LOC128092253: variants seen among roughly 807,000 people sequenced by gnomAD.
the LOC128092253 span, among the ~76,000 whole-genome samples, chr6:133,973,428 C>CT: frequency 1.3e-5 from 2 of 152,126 alleles, no homozygotes; most frequent in African/African-American, 4.8e-5. Flanking sequence ...TATTTATTCT[C>CT]TTGGCTTTCA....
chr6:133,955,484 A>T, the LOC128092253 span, among the ~76,000 whole-genome samples: 1 of 151,520 alleles, frequency 6.6e-6, no homozygotes, highest in East Asian at 1.9e-4. Context: ...CATTAATGTG[A>T]TTTTATCTGT....
chr6:133,970,671 C>T, the LOC128092253 span, among the ~76,000 whole-genome samples: 1 of 151,450 alleles, frequency 6.6e-6, no homozygotes, highest in African/African-American at 2.4e-5. Flanking sequence ...TGCCGTGGTG[C>T]CATGATAGCT....
the LOC128092253 span, among the ~76,000 whole-genome samples, chr6:133,968,378 T>A: frequency 1.3e-5 from 2 of 152,242 alleles, no homozygotes; most frequent in South Asian, 4.1e-4. Flanking sequence ...AGGAATCATA[T>A]GCCAAATTTC....
At chr6:133,973,638 A>G in the LOC128092253 span, among the ~76,000 whole-genome samples, 4 of 152,236 alleles carry the variant, frequency 2.6e-5, no homozygotes, top group African/African-American at 4.8e-5. Context: ...TTTGAATACC[A>G]CTAGAAAGAG....
At chr6:133,957,725 A>G in the LOC128092253 span, among the ~76,000 whole-genome samples, 1 of 152,226 alleles carries the variant, frequency 6.6e-6, no homozygotes, top group Non-Finnish European at 1.5e-5. Flanking sequence ...TAAATATTAA[A>G]TAGCTTTCTC....
the LOC128092253 span, among the ~76,000 whole-genome samples, chr6:133,955,034 T>C: frequency 1.3e-5 from 2 of 152,136 alleles, no homozygotes; most frequent in South Asian, 4.1e-4. Flanking sequence ...AAGTTGCATT[T>C]TAAGACATTA....
chr6:133,970,989 T>C, the LOC128092253 span, among the ~76,000 whole-genome samples: 1 of 152,180 alleles, frequency 6.6e-6, no homozygotes, highest in African/African-American at 2.4e-5. Context: ...TGATATACTT[T>C]ACTGTTCACC....
the LOC128092253 span, among the ~76,000 whole-genome samples, chr6:133,978,417 A>C: frequency 2.0e-5 from 3 of 152,218 alleles, no homozygotes; most frequent in Non-Finnish European, 4.4e-5. Flanking sequence ...TAACTTGCCC[A>C]AGTTCTGATA....
At chr6:133,953,601 G>A in the LOC128092253 span, among the ~76,000 whole-genome samples, 135 of 152,212 alleles carry the variant, frequency 8.9e-4, 1 homozygote, top group Non-Finnish European at 1.4e-3. Context: ...AAACCGGTCC[G>A]GTGGCCGAGG....
chr6:133,957,453 C>T, the LOC128092253 span, among the ~76,000 whole-genome samples: 1 of 152,198 alleles, frequency 6.6e-6, no homozygotes, highest in African/African-American at 2.4e-5. Flanking sequence ...TTTTTTAACT[C>T]ACTAGGTGAG....
the LOC128092253 span, among the ~76,000 whole-genome samples, chr6:133,954,241 A>G: frequency 6.6e-6 from 1 of 152,214 alleles, no homozygotes; most frequent in Admixed American, 6.5e-5. Flanking sequence ...CCAAAGCGAC[A>G]CTGGCAGTAA....
At chr6:133,957,170 A>T in the LOC128092253 span, among the ~76,000 whole-genome samples, 1,295 of 151,694 alleles carry the variant, frequency 8.5e-3, 37 homozygotes, top group Admixed American at 0.062. Context: ...AAATGTTTTT[A>T]AAAAAAAACT....
the LOC128092253 span, among the ~76,000 whole-genome samples, chr6:133,958,339 G>A: frequency 1.3e-5 from 2 of 152,326 alleles, no homozygotes; most frequent in East Asian, 1.9e-4. Context: ...GTTAGTATCA[G>A]TGTAAAGCCA....
the LOC128092253 span, among the ~76,000 whole-genome samples, chr6:133,974,004 C>CAAA: frequency 5.6e-5 from 7 of 124,580 alleles, no homozygotes; most frequent in African/African-American, 1.2e-4. Flanking sequence ...CAGACTTTAC[C>CAAA]AAAAAAAAAA....
the LOC128092253 span, among the ~76,000 whole-genome samples, chr6:133,968,268 C>G: frequency 6.6e-6 from 1 of 152,090 alleles, no homozygotes; most frequent in Non-Finnish European, 1.5e-5. Flanking sequence ...CTTATATAAT[C>G]AGAAAATGAC....
At chr6:133,957,516 G>A in the LOC128092253 span, among the ~76,000 whole-genome samples, 1 of 152,166 alleles carries the variant, frequency 6.6e-6, no homozygotes, top group African/African-American at 2.4e-5. Flanking sequence ...TTAATAAAAT[G>A]GTTCCAAAGA....
the LOC128092253 span, among the ~76,000 whole-genome samples, chr6:133,966,957 G>T: frequency 6.6e-6 from 1 of 152,172 alleles, no homozygotes; most frequent in Non-Finnish European, 1.5e-5. Flanking sequence ...GTCAGTTCTT[G>T]CTTCTTTTTT....
chr6:133,959,434 T>A, the LOC128092253 span, among the ~76,000 whole-genome samples: 1 of 152,194 alleles, frequency 6.6e-6, no homozygotes, highest in Non-Finnish European at 1.5e-5. Flanking sequence ...GACAAAGTTC[T>A]GTCTAACACA....
chr6:133,961,414 A>G, the LOC128092253 span, among the ~76,000 whole-genome samples: 3 of 146,362 alleles, frequency 2.0e-5, no homozygotes, highest in African/African-American at 7.6e-5. Context: ...AGTGTTTCAT[A>G]TGGCTGGCTA....
Sources: gnomAD v4.1 joint callset for allele counts (sites outside exome capture counted in the v4.1 genomes callset) on GRCh38, gnomAD v4.1.1 for gene constraint, MANE v1.5 for transcripts.